The following CADM2 variants were observed in gnomAD, a reference collection of about 807,000 sequenced individuals.
CADM2 encodes the protein cell adhesion molecule 2.
CADM2 carries 12 observed loss-of-function variants against 49.8 expected under a neutral mutation model. The observed-to-expected ratio is 0.24, with a 90% CI of 0.15 to 0.39. The LOEUF (loss-of-function observed/expected upper bound fraction) is 0.39, where lower values mean the gene tolerates loss of function less well. Ranked by LOEUF, CADM2 falls within the 10% of genes least tolerant of loss-of-function variation. CADM2 has a pLI of 1.00. For missense variants in CADM2, 378 were observed against 492.3 expected (o/e 0.77, Z 2.20); for synonymous variants, 214 against 175.4 (o/e 1.22, Z -1.74).
At chr3:85,341,179 A>G (rs1465111767) in intron 1 of CADM2, among the ~76,000 whole-genome samples, 3 of 151,814 alleles carry the variant, frequency 2.0e-5, no homozygotes, top group Non-Finnish European at 2.9e-5. Context: ...AACACTAAGC[A>G]TATTTGTTTA....
intron 1 of CADM2, 146 bp downstream of exon 1, chr3:84,959,814 G>C: frequency 1.3e-6 from 1 of 747,682 alleles, no homozygotes; most frequent in East Asian, 2.7e-5. Context: ...TGCGGCAGGG[G>C]GCAGTGGCAG....
chr3:85,731,983 C>G (rs1049865073), intron 2 of CADM2, among the ~76,000 whole-genome samples: 4 of 150,386 alleles, frequency 2.7e-5, no homozygotes, highest in Non-Finnish European at 5.9e-5. Flanking sequence ...TGTGATGGCT[C>G]ACACCTGTGA....
At chr3:85,516,254 G>T (rs1235515243) in intron 1 of CADM2, among the ~76,000 whole-genome samples, 1 of 151,974 alleles carries the variant, frequency 6.6e-6, no homozygotes. Context: ...ATAGTGTTTG[G>T]CATATTTTTA....
chr3:85,607,068 A>G (rs1304589062), intron 1 of CADM2, among the ~76,000 whole-genome samples: 1 of 152,140 alleles, frequency 6.6e-6, no homozygotes. Context: ...TTACAGATGA[A>G]AACATTAAAA....
chr3:85,822,927 A>G (rs1390433246), intron 3 of CADM2, among the ~76,000 whole-genome samples: 2 of 152,150 alleles, frequency 1.3e-5, no homozygotes, highest in East Asian at 3.9e-4. Flanking sequence ...AAACTCTATT[A>G]TTCTAAGCTT....
At chr3:85,751,228 G>T (rs1465899357) in intron 2 of CADM2, among the ~76,000 whole-genome samples, 1 of 152,068 alleles carries the variant, frequency 6.6e-6, no homozygotes, top group African/African-American at 2.4e-5. Context: ...CATTCATTGA[G>T]AAACTATGTG....
At chr3:86,019,753 G>T (rs1407662172) in intron 8 of CADM2, among the ~76,000 whole-genome samples, 1 of 152,070 alleles carries the variant, frequency 6.6e-6, no homozygotes, top group East Asian at 1.9e-4. Context: ...TGCTGAAGTT[G>T]CTTATCAGCT....
intron 8 of CADM2, chr3:86,014,744 C>CA (rs1448082216): frequency 2.0e-6 from 3 of 1,496,096 alleles, no homozygotes; most frequent in Non-Finnish European, 1.8e-6. Context: ...CCAATACTGA[C>CA]ACGCTCTCAG....
At chr3:85,853,314 A>G (rs2075177544) in intron 3 of CADM2, among the ~76,000 whole-genome samples, 1 of 152,010 alleles carries the variant, frequency 6.6e-6, no homozygotes, top group Admixed American at 6.6e-5. Context: ...CAACAACAAC[A>G]ACAACACAAA....
intron 3 of CADM2, among the ~76,000 whole-genome samples, chr3:85,882,946 G>A (rs545924556): frequency 5.3e-5 from 8 of 152,136 alleles, no homozygotes; most frequent in Non-Finnish European, 4.4e-5. Context: ...AACCCATTTT[G>A]TTTATAGCTT....
In CADM2 at chr3:86,071,849, T is replaced by A. The variant is rs1703296158; in HGVS notation, c.*5066T>A. 6.6e-6 allele frequency: 1 copy of A among 152,102 alleles called. No individual in the cohort carries two copies. Among genetic ancestry groups the A allele is most frequent in the Non-Finnish European group, 1.5e-5 (1 of 67,888 alleles). The allele number at this position is 152,102 out of a possible 1,614,324, so 9.4% of individuals were successfully genotyped here. A position where few individuals can be genotyped will look rare whatever the true frequency, so the allele number is the denominator to read the frequency against. On this transcript the variant is annotated 3_prime_UTR_variant, in exon 10 of 10. Transcript: ENST00000383699. ...ATGTTAATATAATTGTATTGGTTTT[T>A]AAAAATAATTAAAATGGCAACACTT...
intron 1 of CADM2, among the ~76,000 whole-genome samples, chr3:85,043,080 A>G (rs2035504946): frequency 6.6e-6 from 1 of 152,066 alleles, no homozygotes; most frequent in Admixed American, 6.6e-5. Context: ...CCTGGGAGAT[A>G]TTGGGTGGGG....
intron 1 of CADM2, among the ~76,000 whole-genome samples, chr3:85,026,161 TAA>T (rs1465791048): frequency 6.6e-6 from 1 of 152,194 alleles, no homozygotes; most frequent in Non-Finnish European, 1.5e-5. Context: ...TATTCTTGAA[TAA>T]GTTTTCATAT....
chr3:85,973,278 G>T (rs1007654213), intron 8 of CADM2, among the ~76,000 whole-genome samples: 3 of 151,690 alleles, frequency 2.0e-5, no homozygotes, highest in African/African-American at 7.3e-5. Context: ...GAGGCAGAAA[G>T]ATCGTTTGAG....
intron 7 of CADM2, among the ~76,000 whole-genome samples, chr3:85,945,957 G>C (rs199921165): frequency 1.5e-4 from 23 of 151,942 alleles, no homozygotes; most frequent in Non-Finnish European, 3.2e-4. Context: ...AGAAATAAAG[G>C]GTATTCAGTT....
At chr3:85,765,664 C>A (rs981486118) in intron 2 of CADM2, among the ~76,000 whole-genome samples, 5 of 151,922 alleles carry the variant, frequency 3.3e-5, no homozygotes, top group African/African-American at 1.2e-4. Context: ...CCTTGCATTT[C>A]TTTTTTACTT....
At chr3:85,400,399 T>C (rs905874116) in intron 1 of CADM2, among the ~76,000 whole-genome samples, 4 of 152,280 alleles carry the variant, frequency 2.6e-5, no homozygotes, top group South Asian at 4.1e-4. Context: ...GGGATATTGG[T>C]CTAAAATTCT....
At chr3:85,823,827 T>C (rs958639169) in intron 3 of CADM2, among the ~76,000 whole-genome samples, 5 of 152,138 alleles carry the variant, frequency 3.3e-5, no homozygotes, top group Non-Finnish European at 7.4e-5. Context: ...AACATTTTGA[T>C]ATATAAAGAT....
chr3:85,409,932 G>A (rs1016589302), intron 1 of CADM2, among the ~76,000 whole-genome samples: 1 of 152,062 alleles, frequency 6.6e-6, no homozygotes, highest in Non-Finnish European at 1.5e-5. Context: ...TTGACATCTG[G>A]TTTCATTTCC....
Sources: allele counts gnomAD v4.1 joint callset (sites outside exome capture counted in the v4.1 genomes callset), GRCh38; gene constraint gnomAD v4.1.1; transcripts MANE v1.5; gene names NCBI Gene and HGNC (gene_info 2026-07-23, HGNC 2026-07-21).